MATN2: variants seen among roughly 807,000 people sequenced by gnomAD.
MATN2 encodes matrilin 2, also known as matrilin-2.
In MATN2, 69 loss-of-function variants were observed where a neutral mutation model predicts 103.2. That is an observed-to-expected ratio of 0.67 (90% CI 0.55 to 0.82). MATN2 has a LOEUF of 0.82. MATN2 is among the 40% of genes least tolerant of loss of function. The probability of loss-of-function intolerance (pLI) is 0.00; values close to 1 mark genes in which losing one functional copy is unlikely to be tolerated. For missense variants in MATN2, 1,023 were observed against 1,211.5 expected (o/e 0.84, Z 2.31); for synonymous variants, 429 against 450.2 (o/e 0.95, Z 0.60).
intron 4 of MATN2, among the ~76,000 whole-genome samples, chr8:97,945,176 C>T (rs1245222375): frequency 1.3e-5 from 2 of 152,152 alleles, no homozygotes; most frequent in Admixed American, 6.5e-5. Context: ...ACGTCCACCT[C>T]AGTGTGCAAC....
At chr8:97,937,725 C>G (rs1171789474) in intron 3 of MATN2, among the ~76,000 whole-genome samples, 1 of 151,222 alleles carries the variant, frequency 6.6e-6, no homozygotes, top group Admixed American at 6.6e-5. Flanking sequence ...AGTAGCTGAG[C>G]CCACCACCAT....
In MATN2 at chr8:97,945,735, T is replaced by TATATAA. The variant is rs1412286321; in HGVS notation, c.835+3837_835+3838insTATAAA. ...AAAAAAAAATATATATATATATATA[T>TATATAA]AATCTCCCCACCATTGTATATTTGT... On this transcript the variant is annotated intron_variant, in intron 4 of 18. Coordinates refer to ENST00000254898, the MANE Select transcript of MATN2 (RefSeq NM_002380.5). Among the ~76,000 whole-genome samples, 1,434 of 147,050 alleles carry TATATAA rather than the reference T, an allele frequency of 9.8e-3. 25 individuals are homozygous for TATATAA. Among genetic ancestry groups the TATATAA allele is most frequent in the African/African-American group, 0.034 (1,357 of 39,892 alleles).
chr8:97,976,611 C>A (rs2130303982), intron 5 of MATN2, among the ~76,000 whole-genome samples: 1 of 152,266 alleles, frequency 6.6e-6, no homozygotes, highest in Non-Finnish European at 1.5e-5. Flanking sequence ...TATTTACACA[C>A]TTTTGATATT....
At chr8:98,011,750 G>A (rs1164815165) in intron 10 of MATN2, among the ~76,000 whole-genome samples, 2 of 152,186 alleles carry the variant, frequency 1.3e-5, no homozygotes, top group African/African-American at 2.4e-5. Context: ...TTTTAACAAC[G>A]TCTTATGTGG....
chr8:97,918,529 C>A (rs143960606), intron 2 of MATN2, among the ~76,000 whole-genome samples: 2 of 152,190 alleles, frequency 1.3e-5, no homozygotes, highest in African/African-American at 4.8e-5. Flanking sequence ...ACTGTCATCA[C>A]GACCTGGTGC....
chr8:98,004,619 T>A lies in MATN2; in HGVS notation c.1327+836T>A, dbSNP rs150726006. Among the ~76,000 whole-genome samples the A allele has an allele frequency of 3.6e-3, 545 of 152,368 alleles. 4 individuals are homozygous for A. The highest frequency in any genetic ancestry group is 0.012 in the African/African-American group (510 of 41,590). On this transcript the variant is annotated intron_variant, in intron 8 of 18. Coordinates refer to ENST00000254898, the MANE Select transcript of MATN2 (RefSeq NM_002380.5). ...GGGTAAACTTCCAATCAAGGGGAAC[T>A]GTTCCTATCATGGAGCCTGTGAGAG...
intron 13 of MATN2, 116 bp from the exon 14 acceptor site, chr8:98,027,300 G>T: frequency 2.4e-6 from 2 of 837,558 alleles, no homozygotes; most frequent in East Asian, 5.0e-5. Flanking sequence ...ATTATCTAAA[G>T]AACAAAACTG....
In MATN2 at chr8:97,935,222, T is replaced by C. The variant is rs1367731001; in HGVS notation, c.712+3700T>C. On this transcript the variant is annotated intron_variant, in intron 3 of 18. Transcript: ENST00000254898. ...TACATGTCACTATACCTGGCTCTAT[T>C]ATCCCTATTTTACACAACTGGAAAT... Among the ~76,000 whole-genome samples, 3 of 152,156 alleles carry C rather than the reference T, an allele frequency of 2.0e-5. No individual in the cohort carries two copies. The East Asian group carries it at 5.8e-4, about 29-fold the overall frequency.
intron 6 of MATN2, among the ~76,000 whole-genome samples, chr8:97,980,740 G>C (rs1264074926): frequency 6.6e-6 from 1 of 151,206 alleles, no homozygotes; most frequent in Non-Finnish European, 1.5e-5. Flanking sequence ...AATTTTTTTG[G>C]TATTTTTTGA....
At chr8:97,923,892 A>G (rs1331835424) in intron 2 of MATN2, among the ~76,000 whole-genome samples, 1 of 152,148 alleles carries the variant, frequency 6.6e-6, no homozygotes, top group African/African-American at 2.4e-5. Flanking sequence ...TCTTGACCCT[A>G]TAATTACAGT....
intron 12 of MATN2, among the ~76,000 whole-genome samples, chr8:98,020,274 T>C (rs1221247356): frequency 6.6e-6 from 1 of 152,154 alleles, no homozygotes; most frequent in Non-Finnish European, 1.5e-5. Flanking sequence ...GCCTCCTGAG[T>C]AGCTGGGACT....
chr8:97,946,694 G>A lies in MATN2; in HGVS notation c.835+4795G>A, dbSNP rs546174192. Among the ~76,000 whole-genome samples, 12 of 152,256 alleles carry A rather than the reference G, an allele frequency of 7.9e-5. No individual in the cohort carries two copies. In the South Asian group the frequency reaches 1.7e-3, roughly 21 times the overall value. ...AATCTATCTGGAAGCTGATGATAATGCAGCATTTAGAAAACTCCATTTGGC... is the reference window on the plus strand; with the variant it reads ...AATCTATCTGGAAGCTGATGATAATACAGCATTTAGAAAACTCCATTTGGC... On this transcript the variant is annotated intron_variant, in intron 4 of 18. Coordinates refer to ENST00000254898, the MANE Select transcript of MATN2 (RefSeq NM_002380.5).
chr8:98,007,370 G>A lies in MATN2; in HGVS notation c.1451-109G>A. 6.4e-7 allele frequency: 1 copy of A among 1,552,134 alleles called. No homozygotes were observed. Among genetic ancestry groups the A allele is most frequent in the Non-Finnish European group, 8.8e-7 (1 of 1,137,428 alleles). On this transcript the variant is annotated intron_variant, in intron 9 of 18. Transcript: ENST00000254898. This position sits in a 1 kb window ranked among gnomAD's most constrained non-coding sequence, Gnocchi z 4.2. ...AGGAGATAGTGAGGATGTCCACTGG[G>A]ACTGCATGCCTTCGAGGGAGGGCGG...
In MATN2 at chr8:97,941,838, C is replaced by T. The variant is rs746370590; in HGVS notation, c.774C>T (p.Gly258=). Residue 258 remains glycine, a synonymous_variant, in exon 4 of 19, where the codon GGC becomes GGT. Transcript: ENST00000254898. ...NCAHFCINIP[G]SYVCRCKQGY... is the part of the protein sequence containing the mutation. ...CCCACTTCTGCATCAACATCCCTGG[C>T]TCATACGTCTGCAGGTGCAAACAAG... 9.3e-6 allele frequency: 15 copies of T among 1,613,334 alleles called. No homozygotes were observed. The highest frequency in any genetic ancestry group is 1.0e-5 in the Non-Finnish European group (12 of 1,179,560).
At chr8:97,913,771 C>T (rs747604701) in intron 2 of MATN2, among the ~76,000 whole-genome samples, 46 of 152,126 alleles carry the variant, frequency 3.0e-4, no homozygotes, top group African/African-American at 4.3e-4. Flanking sequence ...CGTGCCACCA[C>T]GCCCAGCTAA....
At chr8:97,998,008 C>T (rs1008453760) in intron 7 of MATN2, among the ~76,000 whole-genome samples, 40 of 150,694 alleles carry the variant, frequency 2.7e-4, no homozygotes, top group Admixed American at 1.6e-3. Flanking sequence ...TTAGTAGAGA[C>T]GGGGTTTCAC....
intron 2 of MATN2, among the ~76,000 whole-genome samples, chr8:97,920,511 TA>T (rs1163532595): frequency 6.6e-6 from 1 of 152,210 alleles, no homozygotes; most frequent in East Asian, 1.9e-4. Context: ...CCCAGCCCGA[TA>T]CTAGGAGTTT....
At chr8:97,987,013 T>G (rs567638967) in intron 6 of MATN2, among the ~76,000 whole-genome samples, 68 of 151,946 alleles carry the variant, frequency 4.5e-4, no homozygotes, top group African/African-American at 1.6e-3. Context: ...TTTTTTTTTT[T>G]TGTATTTTTA....
chr8:98,032,692 C>G (rs1814081994), intron 16 of MATN2, among the ~76,000 whole-genome samples: 2 of 152,104 alleles, frequency 1.3e-5, no homozygotes, highest in African/African-American at 4.8e-5. Context: ...CCACCATGCC[C>G]AGCTAATTTT....
Sources: allele counts gnomAD v4.1 joint callset (sites outside exome capture counted in the v4.1 genomes callset), GRCh38; gene constraint gnomAD v4.1.1; non-coding constraint Gnocchi (gnomAD v3.1); transcripts MANE v1.5; gene names NCBI Gene and HGNC (gene_info 2026-07-23, HGNC 2026-07-21).